The following LRCH2 variants were observed in gnomAD, a reference collection of about 807,000 sequenced individuals.
LRCH2 encodes the protein leucine-rich repeat and calponin homology domain-containing protein 2.
LRCH2 carries 38 observed loss-of-function variants against 68.9 expected under a neutral mutation model. That is an observed-to-expected ratio of 0.55 (90% CI 0.43 to 0.72). The LOEUF (loss-of-function observed/expected upper bound fraction) is 0.72, where lower values mean the gene tolerates loss of function less well. Ranked by LOEUF, LRCH2 falls within the 30% of genes least tolerant of loss-of-function variation. LRCH2 has a pLI of 0.00. For synonymous variants in LRCH2, 191 were observed against 208.1 expected, an observed-to-expected ratio of 0.92 and a Z score of 0.71; for missense variants, 528 against 572.9, an observed-to-expected ratio of 0.92 and a Z score of 0.80.
intron 14 of LRCH2, among the ~76,000 whole-genome samples, chrX:115,148,486 A>G (rs2072405799): frequency 8.9e-6 from 1 of 111,997 alleles, no homozygotes; most frequent in Admixed American, 9.5e-5. Context: ...TTATACTACA[A>G]TAAAGGAGAG....
rs970108378 is a variant in LRCH2 at position 115,152,547 on chromosome X, A to G, written c.1530-2477T>C. Among the ~76,000 whole-genome samples the G allele has an allele frequency of 2.7e-5, 3 of 112,076 alleles. No homozygotes were observed. In the Admixed American group the frequency reaches 2.9e-4, roughly 11 times the overall value. ...GACATTTCACAAGAAATGACTAGCAAACACAAAGACAAAGCAGAAGGACTT... is the reference window on the plus strand; with the variant it reads ...GACATTTCACAAGAAATGACTAGCAGACACAAAGACAAAGCAGAAGGACTT... On this transcript the variant is annotated intron_variant, in intron 12 of 20. Transcript: ENST00000317135.
intron 15 of LRCH2, among the ~76,000 whole-genome samples, chrX:115,129,644 A>G (rs781872315): frequency 9.9e-5 from 11 of 111,580 alleles, no homozygotes; most frequent in Admixed American, 6.7e-4. Context: ...CTCTCCAACA[A>G]AAATACACAA....
chrX:115,151,862 A>G (rs1313471186), intron 12 of LRCH2, among the ~76,000 whole-genome samples: 1 of 111,021 alleles, frequency 9.0e-6, no homozygotes, highest in East Asian at 2.8e-4. Context: ...ACTAAGGCAG[A>G]GTCTAGCAGG....
At chrX:115,189,875 C>G (rs62601527) in intron 1 of LRCH2, 166,697 of 1,163,584 alleles carry the variant, frequency 0.14, 9,046 homozygotes, top group Non-Finnish European at 0.16. Flanking sequence ...TACAGGGCCC[C>G]GATGCCCAGG....
intron 7 of LRCH2, 91 bp downstream of exon 7, chrX:115,166,164 G>T: frequency 1.4e-6 from 1 of 715,249 alleles, no homozygotes; most frequent in Non-Finnish European, 2.1e-6. Context: ...ATATTTTCAA[G>T]CAAAATAAAC....
intron 1 of LRCH2, among the ~76,000 whole-genome samples, chrX:115,226,485 G>A (rs886230898): frequency 2.7e-5 from 3 of 111,334 alleles, no homozygotes; most frequent in Non-Finnish European, 5.6e-5. Context: ...TAGCTACAGT[G>A]TGGAGGACTA....
intron 1 of LRCH2, among the ~76,000 whole-genome samples, chrX:115,214,017 A>G (rs781877189): frequency 5.3e-5 from 6 of 112,246 alleles, no homozygotes; most frequent in African/African-American, 9.7e-5. Context: ...ATTTCTTGTA[A>G]CATAAAAAAT....
At chrX:115,190,223 G>A (rs781912638) in intron 1 of LRCH2, 69 of 1,164,560 alleles carry the variant, frequency 5.9e-5, no homozygotes, top group South Asian at 3.4e-4. Flanking sequence ...GACTACAGCC[G>A]CCGCTATTAT....
intron 16 of LRCH2, among the ~76,000 whole-genome samples, chrX:115,124,502 G>T (rs782379113): frequency 5.4e-5 from 6 of 111,853 alleles, no homozygotes; most frequent in Admixed American, 3.8e-4. Flanking sequence ...ACACACAGTG[G>T]TTTGCTATGG....
chrX:115,191,440 G>A (rs782356890), intron 1 of LRCH2: 56 of 1,147,915 alleles, frequency 4.9e-5, no homozygotes, highest in Non-Finnish European at 6.3e-5. Context: ...CGGAGGAGGA[G>A]GCCGCTACGA....
intron 14 of LRCH2, among the ~76,000 whole-genome samples, chrX:115,144,056 G>A (rs2072361651): frequency 9.0e-6 from 1 of 111,218 alleles, no homozygotes; most frequent in East Asian, 2.9e-4. Flanking sequence ...TAAATCATGG[G>A]GGCAGGTTTT....
At chrX:115,170,262 G>T in intron 6 of LRCH2, 37 bp downstream of exon 6, 1 of 1,116,965 alleles carries the variant, frequency 9.0e-7, no homozygotes, top group Non-Finnish European at 1.2e-6. Flanking sequence ...AGAGAAGACA[G>T]CAATCATCAA....
chrX:115,155,317 G>A (rs2072466618), intron 12 of LRCH2, among the ~76,000 whole-genome samples: 2 of 110,038 alleles, frequency 1.8e-5, no homozygotes, highest in African/African-American at 6.6e-5. Flanking sequence ...GCTGAAAAAA[G>A]TCACAGAATT....
At chrX:115,233,564 C>G (rs1281120488) in intron 1 of LRCH2, 129 bp downstream of exon 1, 2 of 674,079 alleles carry the variant, frequency 3.0e-6, no homozygotes, top group South Asian at 6.0e-5. Flanking sequence ...CGGGCTGCCC[C>G]GACTTTGTTA....
intron 20 of LRCH2, among the ~76,000 whole-genome samples, chrX:115,119,014 T>C (rs2072110795): frequency 9.0e-6 from 1 of 111,597 alleles, no homozygotes. Context: ...TGATGGGACG[T>C]ATCTCAAAAT....
chrX:115,184,334 C>A, intron 3 of LRCH2, 77 bp downstream of exon 3: 1 of 814,984 alleles, frequency 1.2e-6, no homozygotes, highest in East Asian at 3.7e-5. Flanking sequence ...CAATTAAATT[C>A]CATTAAAAAT....
At chrX:115,154,497 G>T (rs1200093036) in intron 12 of LRCH2, among the ~76,000 whole-genome samples, 1 of 111,053 alleles carries the variant, frequency 9.0e-6, no homozygotes, top group East Asian at 2.8e-4. Context: ...GCCATATTCT[G>T]GGCCATAAAA....
chrX:115,192,329 G>C (rs1172463041), intron 1 of LRCH2: 1 of 1,080,003 alleles, frequency 9.3e-7, no homozygotes, highest in Non-Finnish European at 1.2e-6. Flanking sequence ...CACAGTGGGG[G>C]CCGCGACAGT....
chrX:115,157,086 C>T (rs782255567), intron 11 of LRCH2, among the ~76,000 whole-genome samples: 12 of 110,724 alleles, frequency 1.1e-4, no homozygotes, highest in Non-Finnish European at 1.9e-4. Context: ...GCAAAATCAG[C>T]GCTCCAGTCC....
Sources: gnomAD v4.1 joint callset for allele counts (sites outside exome capture counted in the v4.1 genomes callset) on GRCh38, gnomAD v4.1.1 for gene constraint, MANE v1.5 for transcripts, NCBI Gene and HGNC (gene_info 2026-07-23, HGNC 2026-07-21) for gene names.